Variants in CDH18 observed in about 807,000 individuals in gnomAD.
CDH18 encodes cadherin-18.
In CDH18, 31 loss-of-function variants were observed where a neutral mutation model predicts 67.9. The observed-to-expected ratio is 0.46, with a 90% CI of 0.34 to 0.62. The LOEUF is 0.62. CDH18 is among the 20% of genes least tolerant of loss of function. CDH18 has a pLI of 0.01. For missense variants in CDH18, 890 were observed against 975.5 expected (o/e 0.91, Z 1.17); for synonymous variants, 362 against 347.2 (o/e 1.04, Z -0.48).
intron 11 of CDH18, among the ~76,000 whole-genome samples, chr5:19,497,200 T>C (rs1742493322): frequency 6.6e-6 from 1 of 151,374 alleles, no homozygotes; most frequent in Non-Finnish European, 1.5e-5. Flanking sequence ...CTGACAATGA[T>C]TGTAAAATCA....
intron 5 of CDH18, among the ~76,000 whole-genome samples, chr5:19,645,725 A>C (rs940739324): frequency 1.3e-5 from 2 of 152,098 alleles, no homozygotes; most frequent in Non-Finnish European, 2.9e-5. Context: ...AGATGGATAA[A>C]ATTTGCTGGG....
At chr5:20,260,665 T>C (rs140728961) in intron 1 of CDH18, among the ~76,000 whole-genome samples, 260 of 152,236 alleles carry the variant, frequency 1.7e-3, no homozygotes, top group African/African-American at 6.1e-3. Flanking sequence ...TCTAAGAATA[T>C]GATGGGATAG....
chr5:20,068,275 A>G (rs1458936805), intron 2 of CDH18, among the ~76,000 whole-genome samples: 1 of 152,152 alleles, frequency 6.6e-6, no homozygotes, highest in African/African-American at 2.4e-5. Context: ...TCGCACAGAT[A>G]TTACAAGTGG....
chr5:20,503,359 G>C (rs1003392875), intron 1 of CDH18, among the ~76,000 whole-genome samples: 2 of 151,666 alleles, frequency 1.3e-5, no homozygotes, highest in Non-Finnish European at 2.9e-5. Flanking sequence ...AGTTGGATAA[G>C]TTAAAGTGAA....
chr5:19,784,479 G>C (rs955209031), intron 3 of CDH18, among the ~76,000 whole-genome samples: 3 of 152,046 alleles, frequency 2.0e-5, no homozygotes, highest in Admixed American at 6.6e-5. Flanking sequence ...TATTACACAG[G>C]CATGCCACTT....
chr5:19,874,691 A>G (rs1000717784), intron 2 of CDH18, among the ~76,000 whole-genome samples: 8 of 152,210 alleles, frequency 5.3e-5, no homozygotes, highest in Non-Finnish European at 8.8e-5. Context: ...GAATTTTACT[A>G]TATCATTTTA....
At chr5:19,564,706 G>A (rs1375793552) in intron 8 of CDH18, among the ~76,000 whole-genome samples, 6 of 152,134 alleles carry the variant, frequency 3.9e-5, no homozygotes, top group African/African-American at 1.4e-4. Context: ...AGTTTGTCTT[G>A]CAGCTTGGAT....
intron 5 of CDH18, among the ~76,000 whole-genome samples, chr5:19,639,296 C>T (rs1254537409): frequency 6.6e-6 from 1 of 152,048 alleles, no homozygotes; most frequent in East Asian, 1.9e-4. Flanking sequence ...CCACCGCGCC[C>T]GGCCTGATGG....
At chr5:19,503,961 T>G (rs2126770009) in intron 10 of CDH18, among the ~76,000 whole-genome samples, 1 of 152,278 alleles carries the variant, frequency 6.6e-6, no homozygotes, top group African/African-American at 2.4e-5. Flanking sequence ...AAGATAGAGC[T>G]GTGAAAATAA....
intron 1 of CDH18, among the ~76,000 whole-genome samples, chr5:20,383,464 A>G (rs1261797510): frequency 6.6e-6 from 1 of 152,174 alleles, no homozygotes; most frequent in African/African-American, 2.4e-5. Flanking sequence ...GCAAATTGCT[A>G]AAGAGATCCT....
chr5:19,742,866 G>A (rs1769409038), intron 4 of CDH18, among the ~76,000 whole-genome samples: 2 of 151,970 alleles, frequency 1.3e-5, no homozygotes, highest in African/African-American at 4.8e-5. Flanking sequence ...CCCATACGTT[G>A]ATAAAAATTT....
intron 2 of CDH18, among the ~76,000 whole-genome samples, chr5:20,164,819 C>G (rs1014561031): frequency 6.6e-6 from 1 of 152,024 alleles, no homozygotes; most frequent in Non-Finnish European, 1.5e-5. Context: ...AAAGACTTTT[C>G]TTGTAAATTG....
chr5:19,727,732 T>A (rs1265805953), intron 4 of CDH18, among the ~76,000 whole-genome samples: 1 of 150,750 alleles, frequency 6.6e-6, no homozygotes. Context: ...AGAAAAAAAA[T>A]ATCTGTAATT....
At chr5:20,024,616 T>TA (rs1738725762) in intron 2 of CDH18, among the ~76,000 whole-genome samples, 1 of 152,142 alleles carries the variant, frequency 6.6e-6, no homozygotes, top group African/African-American at 2.4e-5. Context: ...AAGAGAATGA[T>TA]AAGTCGTTTG....
At chr5:20,446,171 G>C (rs1033372888) in intron 1 of CDH18, among the ~76,000 whole-genome samples, 6 of 152,088 alleles carry the variant, frequency 3.9e-5, no homozygotes, top group Admixed American at 2.0e-4. Flanking sequence ...TACAGTTTTA[G>C]GTTACCGAGC....
intron 1 of CDH18, among the ~76,000 whole-genome samples, chr5:20,423,371 A>G (rs1748014130): frequency 6.6e-6 from 1 of 151,252 alleles, no homozygotes; most frequent in East Asian, 1.9e-4. Flanking sequence ...CCATATACCC[A>G]TGTACACATA....
chr5:20,226,252 T>G (rs1741617051), intron 2 of CDH18, among the ~76,000 whole-genome samples: 1 of 152,088 alleles, frequency 6.6e-6, no homozygotes, highest in Admixed American at 6.6e-5. Context: ...TGCACACCAC[T>G]AAATGAACTA....
chr5:19,973,690 A>T (rs1798238347), intron 2 of CDH18, among the ~76,000 whole-genome samples: 1 of 152,192 alleles, frequency 6.6e-6, no homozygotes, highest in Non-Finnish European at 1.5e-5. Flanking sequence ...CATAAAAAAT[A>T]TGAGAGAAGG....
rs1554098805 is a variant in CDH18, at chr5:20,172,238, A to ATACGTGTATATATGTATATATATATATG, written c.-518+83205_-518+83206insCATATATATATATACATATATACACGTA. Among the ~76,000 whole-genome samples the ATACGTGTATATATGTATATATATATATG allele has an allele frequency of 5.0e-5, 6 of 118,936 alleles. 1 individual carries two copies. The highest frequency in any genetic ancestry group is 2.5e-4 in the South Asian group (1 of 3,966). 78.0% of individuals were successfully genotyped at this position (118,936 alleles called of 152,430 possible). On this transcript the variant is annotated intron_variant, in intron 2 of 14. Coordinates refer to the CDH18 transcript ENST00000507958. ...TATATATATATGTATATATATATAT[A>ATACGTGTATATATGTATATATATATATG]TGTATATATATATATATATCTCCTC... is the stretch of plus-strand genomic sequence containing the variant.
Sources: gnomAD v4.1 joint callset for allele counts (sites outside exome capture counted in the v4.1 genomes callset) on GRCh38, gnomAD v4.1.1 for gene constraint, MANE v1.5 for transcripts, NCBI Gene and HGNC (gene_info 2026-07-23, HGNC 2026-07-21) for gene names.